The following P4HTM variants were observed in gnomAD, a reference collection of about 807,000 sequenced individuals.
The protein encoded by P4HTM is transmembrane prolyl 4-hydroxylase.
P4HTM carries 33 observed loss-of-function variants against 55.3 expected under a neutral mutation model. That is an observed-to-expected ratio of 0.60 (90% CI 0.45 to 0.80). P4HTM has a LOEUF of 0.80. P4HTM is among the 30% of genes least tolerant of loss of function. The probability of loss-of-function intolerance (pLI) is 0.00; values close to 1 mark genes in which losing one functional copy is unlikely to be tolerated. For missense variants in P4HTM, 542 were observed against 696.5 expected, an observed-to-expected ratio of 0.78 and a Z score of 2.50; for synonymous variants, 272 against 286.4, an observed-to-expected ratio of 0.95 and a Z score of 0.51.
At position 48,990,544 on chromosome 3, in the gene P4HTM, A is replaced by G; in HGVS notation, c.288A>G (p.Gln96=). ...ACGAAAGCAGCGATCCCGGGCCCCA[A>G]CACCGTGCCCAGGGCCCCGGGCCCG... ...NGDESSDPGP[Q]HRAQGPGPEP... The change falls in exon 1 of 9, where the codon CAA becomes CAG. Residue 96 remains glutamine (Q), a synonymous_variant. Coordinates refer to ENST00000383729, the MANE Select transcript of P4HTM (RefSeq NM_177939.3). This position sits in a 1 kb window ranked among gnomAD's most constrained non-coding sequence, Gnocchi z 7.2. 2 of 1,610,242 alleles carry G rather than the reference A, an allele frequency of 1.2e-6. No homozygotes were observed. Among genetic ancestry groups the G allele is most frequent in the Middle Eastern group, 3.3e-4 (2 of 6,024 alleles).
At position 48,990,614 on chromosome 3, in the gene P4HTM, AGGACCTCCC is replaced by A; in HGVS notation, c.354+5_354+13del. ...CACCCGGCTGGAGGGCATCAAGGTG[AGGACCTCCC>A]TGCCCCGCCGCGCTCCAGGCCCTGC... On this transcript the variant is annotated splice_donor_5th_base_variant and intron_variant, in intron 1 of 8. Coordinates refer to ENST00000383729, the MANE Select transcript of P4HTM (RefSeq NM_177939.3). The surrounding 1 kb of genome is among the most constrained non-coding windows in gnomAD (Gnocchi z 7.2). 2 of 1,561,256 alleles carry A rather than the reference AGGACCTCCC, an allele frequency of 1.3e-6. No homozygotes were observed. The highest frequency in any genetic ancestry group is 1.7e-6 in the Non-Finnish European group (2 of 1,152,904).
At chr3:49,004,588 G>A in intron 5 of P4HTM, 1 of 560,414 alleles carries the variant, frequency 1.8e-6, no homozygotes, top group Admixed American at 3.4e-5. Flanking sequence ...TTCTTCCAGG[G>A]AGGAGGACCT....
intron 7 of P4HTM, 49 bp from the exon 8 acceptor site, chr3:49,006,015 G>A: frequency 1.3e-6 from 2 of 1,587,572 alleles, no homozygotes; most frequent in Non-Finnish European, 1.7e-6. Context: ...GGCTGGCCTG[G>A]CCATAGAGTG....
chr3:49,001,624 G>A lies in P4HTM; in HGVS notation c.623G>A (p.Arg208His), dbSNP rs1157072218. 24 of 1,609,312 alleles carry A rather than the reference G, an allele frequency of 1.5e-5. No homozygotes were observed. The highest frequency in any genetic ancestry group is 6.7e-5 in the East Asian group (3 of 44,750). The change falls in exon 3 of 9, where the codon CGT becomes CAT. Residue 208 changes from arginine (R) to histidine (H), a missense_variant. Physicochemically the swap from Arg to His is conservative, Grantham distance 29. Coordinates refer to ENST00000383729, the MANE Select transcript of P4HTM (RefSeq NM_177939.3). ...AACCGTGATGGGCACCTTCAGCTCC[G>A]TGAGGTTGGAATCCTGGGACCTGAG... ...DQNRDGHLQLREVLAQTRLGN... is the reference protein window; with the variant it reads ...DQNRDGHLQLHEVLAQTRLGN...
intron 4 of P4HTM, chr3:49,003,127 G>A: frequency 8.0e-6 from 2 of 249,176 alleles, no homozygotes; most frequent in South Asian, 9.9e-5. Flanking sequence ...GGTGGGCAGG[G>A]AAGCTGTCAT....
At chr3:48,992,597 C>A (rs1343865450) in intron 2 of P4HTM, among the ~76,000 whole-genome samples, 1 of 149,258 alleles carries the variant, frequency 6.7e-6, no homozygotes, top group East Asian at 2.0e-4. Flanking sequence ...CAGAGAGAGA[C>A]CCCTATCTCA....
chr3:48,991,276 T>C, intron 2 of P4HTM: 1 of 208,154 alleles, frequency 4.8e-6, no homozygotes. Flanking sequence ...CTGGGGAAAA[T>C]CCCACTGCCG....
intron 2 of P4HTM, among the ~76,000 whole-genome samples, chr3:49,000,921 T>G (rs1009969450): frequency 6.6e-6 from 1 of 152,204 alleles, no homozygotes; most frequent in Non-Finnish European, 1.5e-5. Context: ...TCAGCCCTGG[T>G]CAGATGGCCA....
chr3:48,990,289 T>TGAGACCGCGGCGGCCGAG lies in P4HTM; in HGVS notation c.37_54dup (p.Thr13_Glu18dup). ...CAGCGGCGGTGACAGGCCAGCGGCC[T>TGAGACCGCGGCGGCCGAG]GAGACCGCGGCGGCCGAGGAGGCCT... On this transcript the variant is annotated inframe_insertion, in exon 1 of 9. Coordinates refer to ENST00000383729, the MANE Select transcript of P4HTM (RefSeq NM_177939.3). The surrounding 1 kb of genome is among the most constrained non-coding windows in gnomAD (Gnocchi z 7.2). The TGAGACCGCGGCGGCCGAG allele has an allele frequency of 7.6e-7, 1 of 1,319,144 alleles. No homozygotes were observed. Among genetic ancestry groups the TGAGACCGCGGCGGCCGAG allele is most frequent in the East Asian group, 3.2e-5 (1 of 31,402 alleles). The allele number at this position is 1,319,144 out of a possible 1,614,324, so 81.7% of individuals were successfully genotyped here. A position where few individuals can be genotyped will look rare whatever the true frequency, so the allele number is the denominator to read the frequency against.
rs906870037 is a variant in P4HTM, at chr3:48,996,753, C to T, written c.437-4685C>T. Among the ~76,000 whole-genome samples, 7 of 152,208 alleles carry T rather than the reference C, an allele frequency of 4.6e-5. No homozygotes were observed. The South Asian group carries it at 8.3e-4, about 18-fold the overall frequency. Reference sequence around the variant, plus strand: ...CCTGCTGCTTGGCAAAGCTACGGACCGGTAAAGGTTAATCAGGTATAATTA... The same window carrying T: ...CCTGCTGCTTGGCAAAGCTACGGACTGGTAAAGGTTAATCAGGTATAATTA... On this transcript the variant is annotated intron_variant, in intron 2 of 8. Coordinates refer to ENST00000383729, the MANE Select transcript of P4HTM (RefSeq NM_177939.3).
intron 4 of P4HTM, chr3:49,003,344 G>T: frequency 6.1e-6 from 1 of 162,934 alleles, no homozygotes; most frequent in Non-Finnish European, 1.4e-5. Context: ...CCCCAGAACA[G>T]AGGTGGTGAC....
At chr3:48,996,284 GT>G (rs996492048) in intron 2 of P4HTM, 2 of 152,084 alleles carry the variant, frequency 1.3e-5, no homozygotes, top group Admixed American at 1.3e-4. Context: ...GTTTTGTTTT[GT>G]TTTTTGAGAC....
chr3:48,990,171 C>T (rs1358746107), upstream of P4HTM: 9 of 1,072,536 alleles, frequency 8.4e-6, no homozygotes, highest in African/African-American at 1.7e-5. This position sits in a 1 kb window ranked among gnomAD's most constrained non-coding sequence, Gnocchi z 7.2. Flanking sequence ...GCGGCGCTCG[C>T]GGGCCTGGCG....
At position 49,001,618 on chromosome 3, in the gene P4HTM, A is replaced by C; in HGVS notation, c.617A>C (p.Gln206Pro). ...LLDQNRDGHL[Q>P]LREVLAQTRL... ...GACCAGAACCGTGATGGGCACCTTC[A>C]GCTCCGTGAGGTTGGAATCCTGGGA... Residue 206 changes from glutamine (Q) to proline (P), a missense_variant, in exon 3 of 9, where the codon CAG becomes CCG. By Grantham distance (76) the Gln-to-Pro change is moderately conservative. Transcript: ENST00000383729. The C allele has an allele frequency of 1.2e-6, 2 of 1,610,164 alleles. No homozygotes were observed. The highest frequency in any genetic ancestry group is 1.7e-6 in the Non-Finnish European group (2 of 1,177,218).
Position 48,990,261 on chromosome 3 carries a change from C to T in P4HTM, c.5C>T (p.Ala2Val). 1 of 1,210,024 alleles carries T rather than the reference C, an allele frequency of 8.3e-7. No homozygotes were observed. The highest frequency in any genetic ancestry group is 1.0e-6 in the Non-Finnish European group (1 of 974,596). 75.0% of individuals were successfully genotyped at this position (1,210,024 alleles called of 1,614,324 possible). A position where few individuals can be genotyped will look rare whatever the true frequency, so the allele number is the denominator to read the frequency against. Residue 2 changes from alanine to valine, a missense_variant, in exon 1 of 9, where the codon GCG becomes GTG. Physicochemically the swap from Ala to Val is moderately conservative, Grantham distance 64. Around this residue, in one of 2 missense-constraint regions of P4HTM, gnomAD observed 6 missense variants for 24.4 expected, o/e 0.25. Coordinates refer to ENST00000383729, the MANE Select transcript of P4HTM (RefSeq NM_177939.3). This position sits in a 1 kb window ranked among gnomAD's most constrained non-coding sequence, Gnocchi z 7.2. M[A>V]AAAVTGQRPE... is the part of the protein sequence containing the mutation. ...CGCGCGCGCGACCTGGGTGCCATGG[C>T]GGCAGCGGCGGTGACAGGCCAGCGG...
chr3:49,000,826 C>A (rs1397825758), intron 2 of P4HTM, among the ~76,000 whole-genome samples: 1 of 152,184 alleles, frequency 6.6e-6, no homozygotes, highest in Non-Finnish European at 1.5e-5. Context: ...ATCAAGGAAG[C>A]AAAGGACACC....
Position 48,990,656 on chromosome 3 carries a change from A to G in P4HTM, c.354+46A>G. ...CCGCGCTCCAGGCCCTGCACGGCTG[A>G]GCCCGAGAGGACCGGCGCTCAGCCC... On this transcript the variant is annotated intron_variant, in intron 1 of 8. Transcript: ENST00000383729. The surrounding 1 kb of genome is among the most constrained non-coding windows in gnomAD (Gnocchi z 7.2). 6.7e-7 allele frequency: 1 copy of G among 1,495,628 alleles called. No individual in the cohort carries two copies. The highest frequency in any genetic ancestry group is 8.9e-7 in the Non-Finnish European group (1 of 1,121,618). The allele number at this position is 1,495,628 out of a possible 1,614,324, so 92.6% of individuals were successfully genotyped here.
chr3:48,991,163 T>C, intron 2 of P4HTM: 1 of 486,078 alleles, frequency 2.1e-6, no homozygotes, highest in South Asian at 3.1e-5. Flanking sequence ...TGTCTAAACG[T>C]TTCATTGCAC....
In P4HTM at chr3:49,004,926, G is replaced by C; in HGVS notation, c.953G>C (p.Arg318Pro). Reference protein sequence around the residue: ...VELSEPLQVVRYGEGGHYHAH... With the variant: ...VELSEPLQVVPYGEGGHYHAH... ...CTCAGCGAGCCGCTGCAGGTTGTTC[G>C]ATATGGTGAGGGGGGCCACTACCAT... Residue 318 changes from arginine (R) to proline (P), a missense_variant, in exon 6 of 9, where the codon CGA becomes CCA. Coordinates refer to ENST00000383729, the MANE Select transcript of P4HTM (RefSeq NM_177939.3). 1 of 1,613,832 alleles carries C rather than the reference G, an allele frequency of 6.2e-7. No individual in the cohort carries two copies. Among genetic ancestry groups the C allele is most frequent in the Non-Finnish European group, 8.5e-7 (1 of 1,180,014 alleles).
Sources: allele counts gnomAD v4.1 joint callset (sites outside exome capture counted in the v4.1 genomes callset), GRCh38; gene constraint gnomAD v4.1.1; regional missense constraint gnomAD v4.1.1; non-coding constraint Gnocchi (gnomAD v3.1); transcripts MANE v1.5; gene names NCBI Gene and HGNC (gene_info 2026-07-23, HGNC 2026-07-21).